Variants in DIP2C observed in about 807,000 individuals in gnomAD.
DIP2C encodes disco-interacting protein 2 homolog C.
Under a neutral mutation model 192.4 loss-of-function variants are expected in DIP2C, and 33 were observed. The ratio of observed to expected loss-of-function variants is 0.17; its 90% confidence interval spans 0.13 to 0.23. DIP2C has a LOEUF of 0.23. Ranked by LOEUF, DIP2C falls within the 10% of genes least tolerant of loss-of-function variation. The pLI, the probability that DIP2C is intolerant of heterozygous loss-of-function variation, is 1.00. For synonymous variants in DIP2C, 979 were observed against 864.1 expected (o/e 1.13, Z -2.33); for missense variants, 1,537 against 2,110.1 (o/e 0.73, Z 5.32).
At chr10:432,392 CCTCCTGTT>C (rs1966868993) in intron 4 of DIP2C, among the ~76,000 whole-genome samples, 2 of 152,140 alleles carry the variant, frequency 1.3e-5, no homozygotes, top group African/African-American at 2.4e-5. Flanking sequence ...CAGATTGTTT[CCTCCTGTT>C]CAAATTTTGG....
chr10:539,861 C>G (rs1217450319), intron 1 of DIP2C, among the ~76,000 whole-genome samples: 1 of 152,138 alleles, frequency 6.6e-6, no homozygotes, highest in Non-Finnish European at 1.5e-5. Flanking sequence ...ATAAAGCAGA[C>G]CTACAATATG....
At chr10:403,942 G>A (rs12761751) in intron 9 of DIP2C, among the ~76,000 whole-genome samples, 22 of 55,570 alleles carry the variant, frequency 4.0e-4, no homozygotes, top group African/African-American at 9.7e-4. Context: ...CACGTGTGGT[G>A]GCATTAGCAT....
chr10:378,390 T>C (rs1394848919), intron 17 of DIP2C, among the ~76,000 whole-genome samples: 1 of 151,950 alleles, frequency 6.6e-6, no homozygotes. Context: ...AAAACAGGCA[T>C]ACACAGGTGA....
At chr10:474,075 T>C (rs1564755876) in intron 2 of DIP2C, among the ~76,000 whole-genome samples, 1 of 152,272 alleles carries the variant, frequency 6.6e-6, no homozygotes, top group East Asian at 1.9e-4. Flanking sequence ...AGTCATCATC[T>C]ACAACTGATC....
intron 2 of DIP2C, chr10:484,950 T>G (rs1259550844): frequency 6.2e-7 from 1 of 1,603,968 alleles, no homozygotes; most frequent in Non-Finnish European, 8.5e-7. Context: ...CATTCGCTGC[T>G]GTAACAAGTT....
At position 341,190 on chromosome 10, in the gene DIP2C, G is replaced by A. The variant is rs559996108; in HGVS notation, c.3584+9C>T. On this transcript the variant is annotated intron_variant, in intron 29 of 36. Coordinates refer to ENST00000280886, the MANE Select transcript of DIP2C (RefSeq NM_014974.3). ...TTTTTTAATGTAAAGATATAGAGAG[G>A]CATCTTACCTGCAGAGGCACCAGAG... 1.3e-4 allele frequency: 215 copies of A among 1,614,018 alleles called. 2 individuals are homozygous for A. Among genetic ancestry groups the A allele is most frequent in the Middle Eastern group, 9.9e-4 (6 of 6,062 alleles).
At chr10:344,389 G>A (rs558854332) in intron 28 of DIP2C, among the ~76,000 whole-genome samples, 65 of 131,868 alleles carry the variant, frequency 4.9e-4, no homozygotes, top group African/African-American at 1.9e-3. Flanking sequence ...AGGGTGGGGC[G>A]GGGGCGGGGC....
intron 1 of DIP2C, among the ~76,000 whole-genome samples, chr10:543,025 G>A (rs765418002): frequency 5.9e-5 from 9 of 152,192 alleles, no homozygotes; most frequent in Non-Finnish European, 8.8e-5. Context: ...TGATGACGAT[G>A]ACACCAATAC....
At chr10:571,352 C>T (rs1638388471) in intron 1 of DIP2C, among the ~76,000 whole-genome samples, 1 of 152,220 alleles carries the variant, frequency 6.6e-6, no homozygotes, top group Admixed American at 6.5e-5. Flanking sequence ...TCAGCCCTGC[C>T]AGGCCGCCTC....
In DIP2C at chr10:401,929, G is replaced by T. The variant is rs61836852; in HGVS notation, c.1150-2710C>A. Among the ~76,000 whole-genome samples the T allele has an allele frequency of 8.9e-5, 8 of 89,546 alleles. No homozygotes were observed. The East Asian group carries it at 1.1e-3, about 12-fold the overall frequency. 58.7% of individuals were successfully genotyped at this position (89,546 alleles called of 152,430 possible). ...ATTTTACACGTGTGGTAGCATTAGC[G>T]TTACTCTTCCTTATGGACAAGTTTG... On this transcript the variant is annotated intron_variant, in intron 9 of 36. Coordinates refer to ENST00000280886, the MANE Select transcript of DIP2C (RefSeq NM_014974.3).
intron 35 of DIP2C, among the ~76,000 whole-genome samples, 181 bp from the exon 36 acceptor site, chr10:281,504 C>A (rs76220721): frequency 6.6e-5 from 10 of 152,244 alleles, no homozygotes; most frequent in Admixed American, 2.0e-4. Context: ...GTGCTCGGCT[C>A]GTGTGCCAGT....
chr10:343,215 G>C (rs1374625832), intron 28 of DIP2C, among the ~76,000 whole-genome samples: 1 of 152,358 alleles, frequency 6.6e-6, no homozygotes, highest in Non-Finnish European at 1.5e-5. Context: ...CTTGAACCAA[G>C]AGGGCGGAGG....
chr10:591,493 G>C (rs188714289), intron 1 of DIP2C, among the ~76,000 whole-genome samples: 2 of 152,130 alleles, frequency 1.3e-5, no homozygotes, highest in Admixed American at 1.3e-4. Flanking sequence ...CCAGTTATAT[G>C]GCTATATTTT....
At chr10:501,064 TTC>T (rs1262563246) in intron 1 of DIP2C, among the ~76,000 whole-genome samples, 2 of 152,188 alleles carry the variant, frequency 1.3e-5, no homozygotes, top group Non-Finnish European at 2.9e-5. Context: ...CATTATGACT[TTC>T]TCTGAGGCCA....
At chr10:400,177 T>C (rs1007435444) in intron 9 of DIP2C, among the ~76,000 whole-genome samples, 2 of 150,480 alleles carry the variant, frequency 1.3e-5, no homozygotes, top group South Asian at 4.2e-4. Flanking sequence ...TGAGCACTAC[T>C]GCATGCAGCT....
At chr10:371,687 G>A (rs564192187) in intron 17 of DIP2C, among the ~76,000 whole-genome samples, 8 of 151,860 alleles carry the variant, frequency 5.3e-5, no homozygotes, top group Non-Finnish European at 1.2e-4. Flanking sequence ...AGCAGCACCC[G>A]AGGGAGGCTG....
chr10:321,238 G>A (rs1956994888), intron 31 of DIP2C, among the ~76,000 whole-genome samples: 1 of 152,232 alleles, frequency 6.6e-6, no homozygotes, highest in Non-Finnish European at 1.5e-5. Flanking sequence ...TGGAAAAACT[G>A]CATGCGGCTT....
intron 29 of DIP2C, chr10:340,629 A>C (rs1412067445): frequency 2.5e-6 from 1 of 393,918 alleles, no homozygotes; most frequent in Middle Eastern, 3.6e-4. Context: ...ATGTATAATC[A>C]GACAAAAAAG....
At chr10:412,642 G>A (rs1589731927) in intron 8 of DIP2C, among the ~76,000 whole-genome samples, 1 of 152,274 alleles carries the variant, frequency 6.6e-6, no homozygotes, top group Non-Finnish European at 1.5e-5. Context: ...TCTGTCCTGA[G>A]ATGCACAGGT....
Sources: allele counts gnomAD v4.1 joint callset (sites outside exome capture counted in the v4.1 genomes callset), GRCh38; gene constraint gnomAD v4.1.1; transcripts MANE v1.5; gene names NCBI Gene and HGNC (gene_info 2026-07-23, HGNC 2026-07-21).